Variants in MMP20 observed in about 807,000 individuals in gnomAD.
MMP20 encodes matrix metallopeptidase 20, also known as matrix metalloproteinase-20.
MMP20 carries 50 observed loss-of-function variants against 51.8 expected under a neutral mutation model. The ratio of observed to expected loss-of-function variants is 0.97; its 90% CI spans 0.77 to 1.22. The LOEUF (loss-of-function observed/expected upper bound fraction) is 1.22. Among genes scored for constraint, MMP20 ranks in the 50% most tolerant of loss-of-function variants. MMP20 has a pLI of 0.00. For synonymous variants in MMP20, 244 were observed against 216.2 expected (o/e 1.13, Z -1.13); for missense variants, 663 against 601.4 (o/e 1.10, Z -1.07).
At chr11:102,604,115 C>T (rs1008130362) in intron 6 of MMP20, among the ~76,000 whole-genome samples, 3 of 151,784 alleles carry the variant, frequency 2.0e-5, no homozygotes, top group Non-Finnish European at 4.4e-5. Flanking sequence ...CCCACTGCAA[C>T]CTCTGATATT....
At position 102,606,641 on chromosome 11, in the gene MMP20, G is replaced by A; in HGVS notation, c.847C>T (p.Pro283Ser). ...RKVFLGKPTL[P>S]HAPHHKPSIP... Reference sequence around the variant, plus strand: ...GATGGCTTGTGATGGGGGGCATGGGGCAGAGTGGGCTTCCCCAGGAATACT... The same window carrying A: ...GATGGCTTGTGATGGGGGGCATGGGACAGAGTGGGCTTCCCCAGGAATACT... Residue 283 changes from proline to serine, a missense_variant, in exon 6 of 10, where the codon CCC becomes TCC. Transcript: ENST00000260228. 6.2e-7 allele frequency: 1 copy of A among 1,613,988 alleles called. No individual in the cohort carries two copies. Among genetic ancestry groups the A allele is most frequent in the South Asian group, 1.1e-5 (1 of 91,070 alleles).
intron 6 of MMP20, chr11:102,605,402 A>G (rs1364607727): frequency 6.6e-6 from 1 of 152,092 alleles, no homozygotes; most frequent in Admixed American, 6.6e-5. Context: ...TGCTTTTTAA[A>G]AAATACTTTG....
Position 102,594,684 on chromosome 11 carries a change from G to A in MMP20, c.1027C>T (p.Leu343Phe), listed in dbSNP as rs1385552997. The change falls in exon 7 of 10, where the codon CTC becomes TTC. Residue 343 changes from leucine (L) to phenylalanine (F), a missense_variant. Coordinates refer to ENST00000260228, the MANE Select transcript of MMP20 (RefSeq NM_004771.4). The stretch of plus-strand genomic sequence containing the variant: ...TAAGCTGCATCCACATTGGACATGA[G>A]CTGGGGGAAGGAGCTGGTAATAGTG... Reference protein sequence around the residue: ...PSTITSSFPQLMSNVDAAYEV... With the variant: ...PSTITSSFPQFMSNVDAAYEV... The A allele has an allele frequency of 6.2e-7, 1 of 1,612,970 alleles. No homozygotes were observed.
chr11:102,614,025 G>A (rs1263524647), intron 2 of MMP20, among the ~76,000 whole-genome samples: 2 of 152,224 alleles, frequency 1.3e-5, no homozygotes, highest in East Asian at 1.9e-4. Context: ...AGGGTCTGGA[G>A]CTTGATAAAG....
In MMP20 at chr11:102,594,700, G is replaced by C. The variant is rs759304824; in HGVS notation, c.1011C>G (p.Thr337=). ...LRTGIRPSTI[T]SSFPQLMSNV... ...TGGACATGAGCTGGGGGAAGGAGCT[G>C]GTAATAGTGCTGGGCCGAATTCCTG... Residue 337 remains threonine (T), a synonymous_variant, in exon 7 of 10, where the codon ACC becomes ACG. Transcript: ENST00000260228. 2 of 1,612,156 alleles carry C rather than the reference G, an allele frequency of 1.2e-6. No homozygotes were observed. The highest frequency in any genetic ancestry group is 1.7e-6 in the Non-Finnish European group (2 of 1,179,804).
Position 102,601,125 on chromosome 11 carries a change from C to CTTTTTTTTTTT in MMP20, c.953+5399_953+5409dup, listed in dbSNP as rs1168517234. On this transcript the variant is annotated intron_variant, in intron 6 of 9. Coordinates refer to ENST00000260228, the MANE Select transcript of MMP20 (RefSeq NM_004771.4). Reference sequence around the variant, plus strand: ...AAATGACCACGAAGTGTCGGCTATTCTTTTTTTTTTTTTTTTTTTTTTTTT... The same window carrying CTTTTTTTTTTT: ...AAATGACCACGAAGTGTCGGCTATTCTTTTTTTTTTTTTTTTTTTTTTTTTTTTTTTTTTTT... 1.8e-3 allele frequency among the ~76,000 whole-genome samples: 51 copies of CTTTTTTTTTTT among 28,266 alleles called. 10 individuals are homozygous for CTTTTTTTTTTT. The highest frequency in any genetic ancestry group is 3.6e-3 in the African/African-American group (21 of 5,852). The allele number at this position is 28,266 out of a possible 152,430, so 18.5% of individuals were successfully genotyped here.
chr11:102,605,947 G>A (rs190685982), intron 6 of MMP20, among the ~76,000 whole-genome samples: 8 of 152,264 alleles, frequency 5.3e-5, no homozygotes, highest in African/African-American at 1.7e-4. Context: ...TGAAAGGCCC[G>A]GAGGCACTGA....
At chr11:102,588,595 T>C (rs1565390494) in intron 8 of MMP20, among the ~76,000 whole-genome samples, 1 of 152,214 alleles carries the variant, frequency 6.6e-6, no homozygotes, top group East Asian at 1.9e-4. Flanking sequence ...TTGTTTAATA[T>C]AATTGATTTT....
At position 102,621,085 on chromosome 11, in the gene MMP20, C is replaced by T. The variant is rs1259782165; in HGVS notation, c.127-4026G>A. On this transcript the variant is annotated intron_variant, in intron 1 of 9. Coordinates refer to ENST00000260228, the MANE Select transcript of MMP20 (RefSeq NM_004771.4). ...TCTCTGGGCACAAGCCGGTTCCTGG[C>T]TCCCTCCTACCCGCCTGCAAGATGG... Among the ~76,000 whole-genome samples, 5 of 152,262 alleles carry T rather than the reference C, an allele frequency of 3.3e-5. No individual in the cohort carries two copies. The East Asian group carries it at 9.6e-4, about 29-fold the overall frequency.
intron 6 of MMP20, among the ~76,000 whole-genome samples, chr11:102,600,211 A>G (rs544838307): frequency 5.3e-5 from 8 of 152,312 alleles, no homozygotes; most frequent in African/African-American, 1.7e-4. Flanking sequence ...CTCCTGTTCC[A>G]TGGTGGGCTT....
Position 102,603,428 on chromosome 11 carries a change from C to T in MMP20, c.953+3107G>A, listed in dbSNP as rs547447104. On this transcript the variant is annotated intron_variant, in intron 6 of 9. Transcript: ENST00000260228. ...TTAGGAGGCAGGGTAGTTAGGGGCACGGATTCTGAAGTTTGCTAGTTTGGG... is the reference window on the plus strand; with the variant it reads ...TTAGGAGGCAGGGTAGTTAGGGGCATGGATTCTGAAGTTTGCTAGTTTGGG... Among the ~76,000 whole-genome samples the T allele has an allele frequency of 9.2e-5, 14 of 152,238 alleles. No individual in the cohort carries two copies. The South Asian group carries it at 2.5e-3, about 27-fold the overall frequency.
At chr11:102,625,055 T>C in intron 1 of MMP20, 139 bp downstream of exon 1, 1 of 1,089,350 alleles carries the variant, frequency 9.2e-7, no homozygotes. Context: ...GGACAGAAGA[T>C]AGCATCAGTT....
intron 8 of MMP20, among the ~76,000 whole-genome samples, chr11:102,587,003 T>C (rs762234321): frequency 6.6e-6 from 1 of 152,156 alleles, no homozygotes; most frequent in Non-Finnish European, 1.5e-5. Context: ...AGGTTTAATA[T>C]GTTCTTGATT....
At position 102,621,638 on chromosome 11, in the gene MMP20, A is replaced by T. The variant is rs568995005; in HGVS notation, c.126+3556T>A. On this transcript the variant is annotated intron_variant, in intron 1 of 9. Transcript: ENST00000260228. ...AAAAATAATTGTTTAAATTAGCTTG[A>T]TGTACAAAGATGCTTATAGAAGCCT... is the stretch of plus-strand genomic sequence containing the variant. Among the ~76,000 whole-genome samples the T allele has an allele frequency of 4.9e-4, 75 of 152,352 alleles. 1 individual carries two copies. The South Asian group carries it at 0.013, about 27-fold the overall frequency.
intron 8 of MMP20, among the ~76,000 whole-genome samples, chr11:102,579,673 T>C (rs1859170957): frequency 6.6e-6 from 1 of 152,184 alleles, no homozygotes; most frequent in Non-Finnish European, 1.5e-5. Context: ...TTTATCACTA[T>C]GCTCCCATGT....
At position 102,577,131 on chromosome 11, in the gene MMP20, C is replaced by G. The variant is rs1332446669; in HGVS notation, c.*195G>C. 8.8e-6 allele frequency: 5 copies of G among 565,214 alleles called. No individual in the cohort carries two copies. Among genetic ancestry groups the G allele is most frequent in the Non-Finnish European group, 1.6e-5 (5 of 316,810 alleles). The allele number at this position is 565,214 out of a possible 1,614,324, so 35.0% of individuals were successfully genotyped here. On this transcript the variant is annotated 3_prime_UTR_variant, in exon 10 of 10. Transcript: ENST00000260228. ...TCGCATAAAGTTGCCCATATAAAAA[C>G]TTTTCTAATGTGGATTGAAATTCTG...
At chr11:102,597,267 C>T (rs908025288) in intron 6 of MMP20, among the ~76,000 whole-genome samples, 2 of 152,168 alleles carry the variant, frequency 1.3e-5, no homozygotes, top group Non-Finnish European at 2.9e-5. Context: ...AAAGCTAAGT[C>T]CTACTTTTTA....
chr11:102,593,386 T>A (rs1045606470), intron 8 of MMP20, 53 bp downstream of exon 8: 73 of 1,583,750 alleles, frequency 4.6e-5, no homozygotes, highest in Non-Finnish European at 6.1e-5. Flanking sequence ...TTTATCTTTT[T>A]AAAATCATTC....
At chr11:102,579,856 T>C (rs1228789012) in intron 8 of MMP20, among the ~76,000 whole-genome samples, 1 of 152,244 alleles carries the variant, frequency 6.6e-6, no homozygotes, top group Non-Finnish European at 1.5e-5. Flanking sequence ...TATTGCCTTA[T>C]TTATTGTTGT....
Sources: gnomAD v4.1 joint callset for allele counts (sites outside exome capture counted in the v4.1 genomes callset) on GRCh38, gnomAD v4.1.1 for gene constraint, MANE v1.5 for transcripts, NCBI Gene and HGNC (gene_info 2026-07-23, HGNC 2026-07-21) for gene names.